GLCCI1: variants seen among roughly 807,000 people sequenced by gnomAD.
The protein encoded by GLCCI1 is glucocorticoid-induced transcript 1 protein.
Under a neutral mutation model 52.2 loss-of-function variants are expected in GLCCI1, and 24 were observed. The observed-to-expected ratio is 0.46, with a 90% CI of 0.33 to 0.65. GLCCI1 has a LOEUF of 0.65. Ranked by LOEUF, GLCCI1 falls within the 30% of genes least tolerant of loss-of-function variation. GLCCI1 has a pLI of 0.02. For synonymous variants in GLCCI1, 310 were observed against 276.5 expected, an observed-to-expected ratio of 1.12 and a Z score of -1.20; for missense variants, 704 against 701.5, an observed-to-expected ratio of 1.00 and a Z score of -0.04.
chr7:8,038,487 C>T (rs891428259), intron 3 of GLCCI1, among the ~76,000 whole-genome samples: 2 of 152,048 alleles, frequency 1.3e-5, no homozygotes, highest in Non-Finnish European at 1.5e-5. Flanking sequence ...ACAAAGTTGA[C>T]AAAACATATG....
intron 4 of GLCCI1, among the ~76,000 whole-genome samples, chr7:8,059,054 C>T: frequency 6.6e-6 from 1 of 152,022 alleles, no homozygotes; most frequent in East Asian, 1.9e-4. Context: ...TTTGAGTAGG[C>T]TGAGGAAGAG....
At chr7:7,994,712 GCTGT>G (rs776264214) in intron 1 of GLCCI1, among the ~76,000 whole-genome samples, 9 of 152,094 alleles carry the variant, frequency 5.9e-5, no homozygotes, top group Non-Finnish European at 5.9e-5. Flanking sequence ...TTTCTTCCTT[GCTGT>G]CTGTCTGTCG....
At chr7:8,010,575 A>G (rs1781244437) in intron 2 of GLCCI1, among the ~76,000 whole-genome samples, 1 of 152,212 alleles carries the variant, frequency 6.6e-6, no homozygotes, top group Non-Finnish European at 1.5e-5. Flanking sequence ...AAATTAAAAG[A>G]AGTAAATATT....
At chr7:8,076,581 A>G (rs1266438998) in intron 6 of GLCCI1, among the ~76,000 whole-genome samples, 4 of 152,234 alleles carry the variant, frequency 2.6e-5, no homozygotes, top group Admixed American at 1.3e-4. Context: ...ACAATGGCAG[A>G]TACTGTGATA....
chr7:8,081,403 C>T (rs1013921494), intron 6 of GLCCI1, among the ~76,000 whole-genome samples: 2 of 152,062 alleles, frequency 1.3e-5, no homozygotes, highest in Admixed American at 6.6e-5. Context: ...AGATAAAACC[C>T]ATCTATAGAC....
At chr7:8,013,046 G>A (rs939682801) in intron 2 of GLCCI1, among the ~76,000 whole-genome samples, 10 of 152,200 alleles carry the variant, frequency 6.6e-5, no homozygotes, top group African/African-American at 2.4e-4. Context: ...CCATTGAATG[G>A]CCTCGACACC....
intron 1 of GLCCI1, among the ~76,000 whole-genome samples, chr7:7,979,103 A>G (rs144595485): frequency 3.3e-4 from 50 of 152,278 alleles, no homozygotes; most frequent in African/African-American, 1.2e-3. Context: ...GTGTTGGCAA[A>G]CATTGCTAAA....
intron 6 of GLCCI1, chr7:8,078,575 A>G (rs932026675): frequency 1.3e-5 from 2 of 152,220 alleles, no homozygotes; most frequent in Admixed American, 6.5e-5. Flanking sequence ...TGTAGAAATA[A>G]ATATATTTAA....
At position 8,089,006 on chromosome 7, in the gene GLCCI1, TG is replaced by T. The variant is rs1161561409; in HGVS notation, c.*2470del. The T allele has an allele frequency of 6.6e-6, 1 of 152,646 alleles. No individual in the cohort carries two copies. The highest frequency in any genetic ancestry group is 2.4e-5 in the African/African-American group (1 of 41,450). The allele number at this position is 152,646 out of a possible 1,614,324, so 9.5% of individuals were successfully genotyped here. A position where few individuals can be genotyped will look rare whatever the true frequency, so the allele number is the denominator to read the frequency against. On this transcript the variant is annotated 3_prime_UTR_variant, in exon 8 of 8. Transcript: ENST00000223145. ...ATATGGCTTTACACAAGGAAATGTG[TG>T]GCTTTTGTTTTGTATTTTTTCAGTA...
intron 2 of GLCCI1, among the ~76,000 whole-genome samples, chr7:8,017,711 CATAAA>C (rs1781407415): frequency 6.6e-6 from 1 of 152,110 alleles, no homozygotes; most frequent in Non-Finnish European, 1.5e-5. Flanking sequence ...TCCGACTTTA[CATAAA>C]ATAAAAATGC....
intron 1 of GLCCI1, among the ~76,000 whole-genome samples, chr7:7,984,607 A>G (rs983845875): frequency 6.6e-6 from 1 of 152,208 alleles, no homozygotes; most frequent in Non-Finnish European, 1.5e-5. Context: ...AAATGACCCA[A>G]TTTACAAAAT....
intron 4 of GLCCI1, 76 bp downstream of exon 4, chr7:8,055,625 T>TA (rs1393577634): frequency 1.7e-5 from 15 of 857,790 alleles, no homozygotes; most frequent in African/African-American, 8.5e-5. Flanking sequence ...TTTCAGCATT[T>TA]AAAAAAACCC....
chr7:8,009,456 A>G (rs1007455115), intron 2 of GLCCI1, among the ~76,000 whole-genome samples: 1 of 152,222 alleles, frequency 6.6e-6, no homozygotes, highest in African/African-American at 2.4e-5. Flanking sequence ...ACAACTTCCC[A>G]GGTATAGTAA....
chr7:8,076,023 C>T (rs1782869597), intron 6 of GLCCI1, among the ~76,000 whole-genome samples: 1 of 152,080 alleles, frequency 6.6e-6, no homozygotes, highest in South Asian at 2.1e-4. Flanking sequence ...TAGGGTTGAC[C>T]CTAGGCAGAC....
At chr7:8,022,340 G>A (rs565952108) in intron 2 of GLCCI1, 143 bp from the exon 3 acceptor site, 4 of 326,074 alleles carry the variant, frequency 1.2e-5, no homozygotes, top group Admixed American at 4.6e-5. Flanking sequence ...ATTTCACGGG[G>A]TCACAAAACT....
At chr7:8,061,225 G>A (rs930595238) in intron 5 of GLCCI1, among the ~76,000 whole-genome samples, 14 of 150,578 alleles carry the variant, frequency 9.3e-5, no homozygotes, top group Admixed American at 7.3e-4. Flanking sequence ...TCAGCCTCCC[G>A]AGTAGCTGGG....
chr7:7,969,365 C>T lies in GLCCI1; in HGVS notation c.15C>T (p.Ser5=), dbSNP rs1780285796. ...GCAGAGCCACCATGTCCACTGCCTC[C>T]TCCTCCTCCTCCTCCAGTTCCTCTC... MSTA[S]SSSSSSSSQT... is the part of the protein sequence containing the mutation. Residue 5 remains serine, a synonymous_variant, in exon 1 of 8, where the codon TCC becomes TCT. Coordinates refer to ENST00000223145, the MANE Select transcript of GLCCI1 (RefSeq NM_138426.4). This position sits in a 1 kb window ranked among gnomAD's most constrained non-coding sequence, Gnocchi z 4.9. 7 of 1,487,426 alleles carry T rather than the reference C, an allele frequency of 4.7e-6. No individual in the cohort carries two copies. The highest frequency in any genetic ancestry group is 1.2e-5 in the South Asian group (1 of 81,730). 92.1% of individuals were successfully genotyped at this position (1,487,426 alleles called of 1,614,324 possible).
intron 3 of GLCCI1, among the ~76,000 whole-genome samples, chr7:8,045,776 C>G (rs561897170): frequency 2.0e-5 from 3 of 152,248 alleles, no homozygotes; most frequent in Admixed American, 6.5e-5. Context: ...TACTCTGGAG[C>G]TGTGTAACTC....
chr7:7,996,730 G>A (rs933608258), intron 1 of GLCCI1, among the ~76,000 whole-genome samples: 1 of 152,130 alleles, frequency 6.6e-6, no homozygotes, highest in East Asian at 1.9e-4. Flanking sequence ...GGCCTCATTT[G>A]GTCAGAAGCA....
Sources: allele counts gnomAD v4.1 joint callset (sites outside exome capture counted in the v4.1 genomes callset), GRCh38; gene constraint gnomAD v4.1.1; non-coding constraint Gnocchi (gnomAD v3.1); transcripts MANE v1.5; gene names NCBI Gene and HGNC (gene_info 2026-07-23, HGNC 2026-07-21).